Variants in RRN3 observed in about 807,000 individuals in gnomAD.
The protein encoded by RRN3 is RNA polymerase I-specific transcription initiation factor RRN3.
RRN3 carries 38 observed loss-of-function variants against 82.3 expected under a neutral mutation model. That is an observed-to-expected ratio of 0.46 (90% CI 0.36 to 0.61). RRN3 has a LOEUF of 0.61. Among genes scored for constraint, RRN3 ranks in the 20% least tolerant of loss-of-function variants. The pLI is 0.00. For missense variants in RRN3, 726 were observed against 793.1 expected (o/e 0.92, Z 1.02); for synonymous variants, 284 against 284.3 (o/e 1.00, Z 0.01).
Position 15,086,425 on chromosome 16 carries a change from T to C in RRN3, c.282A>G (p.Glu94=). 1 of 1,613,584 alleles carries C rather than the reference T, an allele frequency of 6.2e-7. No homozygotes were observed. Residue 94 remains glutamate, a synonymous_variant, in exon 4 of 18, where the codon GAA becomes GAG. Transcript: ENST00000198767. ...TCAAGTACATGATAGAAGAACGGAA[T>C]TCTAGCAGCCAGTTGATGATCTGGT... The part of the protein sequence containing the change: ...KDDQIINWLL[E]FRSSIMYLTK...
intron 11 of RRN3, among the ~76,000 whole-genome samples, chr16:15,073,581 C>A (rs78045420): frequency 1.3e-5 from 2 of 152,316 alleles, no homozygotes; most frequent in East Asian, 3.9e-4. Context: ...AGGCCCTCAC[C>A]TCACACACTG....
chr16:15,093,006 C>G (rs1368197588), intron 1 of RRN3, among the ~76,000 whole-genome samples: 7 of 151,974 alleles, frequency 4.6e-5, no homozygotes, highest in African/African-American at 1.4e-4. Flanking sequence ...CTCTACGTGG[C>G]TGGATTTTTT....
intron 15 of RRN3, among the ~76,000 whole-genome samples, chr16:15,066,593 A>G (rs926431476): frequency 6.6e-6 from 1 of 151,694 alleles, no homozygotes; most frequent in Non-Finnish European, 1.5e-5. Flanking sequence ...AGATCACGCC[A>G]CTGTACTCCA....
rs111380968 is a variant in RRN3, at chr16:15,061,625, G to A, written c.*119C>T. On this transcript the variant is annotated 3_prime_UTR_variant, in exon 18 of 18. Transcript: ENST00000198767. ...AGTCGAACCTGGAAGTGCCACAGCC[G>A]AGGCAGGCACTCGCTCTAGTTCAAT... 17 of 896,320 alleles carry A rather than the reference G, an allele frequency of 1.9e-5. No individual in the cohort carries two copies. The highest frequency in any genetic ancestry group is 2.6e-5 in the Admixed American group (1 of 38,402). The allele number at this position is 896,320 out of a possible 1,614,324, so 55.5% of individuals were successfully genotyped here. A position where few individuals can be genotyped will look rare whatever the true frequency, so the allele number is the denominator to read the frequency against.
chr16:15,092,651 A>G (rs1312721605), intron 1 of RRN3, 37 bp from the exon 2 acceptor site: 2 of 1,237,362 alleles, frequency 1.6e-6, no homozygotes, highest in Non-Finnish European at 2.4e-6. Context: ...TAAGTTCATG[A>G]AAATAATAAA....
intron 3 of RRN3, among the ~76,000 whole-genome samples, chr16:15,089,548 C>G (rs1356724220): frequency 6.6e-6 from 1 of 152,146 alleles, no homozygotes; most frequent in East Asian, 1.9e-4. Flanking sequence ...CGCCTCTAAT[C>G]CCAGCACTTT....
chr16:15,082,341 A>G (rs1239761387), intron 8 of RRN3, among the ~76,000 whole-genome samples: 1 of 151,596 alleles, frequency 6.6e-6, no homozygotes, highest in Non-Finnish European at 1.5e-5. Context: ...CCTTTGTTCT[A>G]TTGCTACAAA....
intron 8 of RRN3, 111 bp downstream of exon 8, chr16:15,083,402 A>T: frequency 1.3e-6 from 2 of 1,487,084 alleles, no homozygotes; most frequent in Non-Finnish European, 1.8e-6. Context: ...CGGTCTCAAA[A>T]AAGAAAAAGA....
intron 11 of RRN3, 46 bp downstream of exon 11, chr16:15,074,677 C>A: frequency 6.7e-7 from 1 of 1,496,526 alleles, no homozygotes; most frequent in Admixed American, 1.9e-5. Context: ...AGCACAAAGC[C>A]AGGTACACTG....
At chr16:15,077,232 G>A (rs1196805861) in intron 9 of RRN3, among the ~76,000 whole-genome samples, 14 of 151,994 alleles carry the variant, frequency 9.2e-5, no homozygotes, top group Admixed American at 9.2e-4. Context: ...ACCGGCCTCA[G>A]CTTCCCAAAG....
rs144495321 is a variant in RRN3, at chr16:15,078,995, T to A, written c.765+1003A>T. Among the ~76,000 whole-genome samples the A allele has an allele frequency of 1.2e-3, 188 of 152,122 alleles. 1 individual carries two copies. The highest frequency in any genetic ancestry group is 4.4e-3 in the African/African-American group (182 of 41,500). Reference sequence around the variant, plus strand: ...CCCGGCCAATTTTTTGTATTTTTAGTGAGACAGAGTTTCACCATGTTAGCC... The same window carrying A: ...CCCGGCCAATTTTTTGTATTTTTAGAGAGACAGAGTTTCACCATGTTAGCC... On this transcript the variant is annotated intron_variant, in intron 9 of 17. Transcript: ENST00000198767.
chr16:15,081,518 T>C (rs1464850586), intron 8 of RRN3, among the ~76,000 whole-genome samples: 5 of 152,204 alleles, frequency 3.3e-5, no homozygotes. Context: ...CTTTGCCCAC[T>C]TCAGTTGGGC....
At chr16:15,081,397 C>G (rs190600591) in intron 8 of RRN3, among the ~76,000 whole-genome samples, 3 of 152,168 alleles carry the variant, frequency 2.0e-5, no homozygotes, top group African/African-American at 7.2e-5. Context: ...ACTGTCTTCT[C>G]GTTCTGATTA....
rs747185802 is a variant in RRN3, at chr16:15,092,560, T to G, written c.144A>C (p.Lys48Asn). Residue 48 changes from lysine to asparagine, a missense_variant, in exon 2 of 18, where the codon AAA becomes AAC. Lys to Asn is a moderately conservative substitution (Grantham distance 94, BLOSUM62 0). Transcript: ENST00000198767. ...TCACAGTTCCACCAAACCGAACAGT[T>G]TTTCTTGGGGGAGAATTGAAAAAGT... The part of the protein sequence containing the change: ...ENDFFNSPPR[K>N]TVRFGGTVTE... The G allele has an allele frequency of 6.2e-7, 1 of 1,613,594 alleles. No individual in the cohort carries two copies. Among genetic ancestry groups the G allele is most frequent in the East Asian group, 2.2e-5 (1 of 44,882 alleles).
At chr16:15,077,123 T>G (rs2966185) in intron 9 of RRN3, among the ~76,000 whole-genome samples, 98,690 of 150,722 alleles carry the variant, frequency 0.65, 34,004 homozygotes, top group Non-Finnish European at 0.76. Context: ...GGGATTACAG[T>G]CATGTGCCAC....
rs772292153 is a variant in RRN3 at position 15,092,492 on chromosome 16, A to C, written c.195+17T>G. 1.3e-6 allele frequency: 2 copies of C among 1,557,790 alleles called. No individual in the cohort carries two copies. The highest frequency in any genetic ancestry group is 1.4e-5 in the African/African-American group (1 of 73,706). On this transcript the variant is annotated intron_variant, in intron 2 of 17. Coordinates refer to ENST00000198767, the MANE Select transcript of RRN3 (RefSeq NM_018427.5). The stretch of plus-strand genomic sequence containing the variant: ...TGACCTAACCAAAAGCAAACCTCAC[A>C]CATTATCTCCCCTTACCTTTTTGTA...
intron 9 of RRN3, among the ~76,000 whole-genome samples, chr16:15,078,976 C>T (rs1281696132): frequency 6.6e-6 from 1 of 151,928 alleles, no homozygotes; most frequent in Non-Finnish European, 1.5e-5. Flanking sequence ...CATACCCGGC[C>T]AATTTTTTGT....
intron 9 of RRN3, among the ~76,000 whole-genome samples, chr16:15,077,661 G>A (rs1269378289): frequency 2.0e-5 from 3 of 152,158 alleles, no homozygotes; most frequent in Non-Finnish European, 4.4e-5. Flanking sequence ...CTAACACGGT[G>A]AAACCCCATC....
Position 15,093,204 on chromosome 16 carries a change from A to T in RRN3, c.90-590T>A, listed in dbSNP as rs138342560. Reference sequence around the variant, plus strand: ...ATTTTCAGTAGAGACGAGGTTTCGCACGTTGGCCAGGCTGGTCTCCAACTC... The same window carrying T: ...ATTTTCAGTAGAGACGAGGTTTCGCTCGTTGGCCAGGCTGGTCTCCAACTC... On this transcript the variant is annotated intron_variant, in intron 1 of 17. Coordinates refer to ENST00000198767, the MANE Select transcript of RRN3 (RefSeq NM_018427.5). Among the ~76,000 whole-genome samples, 69 of 152,228 alleles carry T rather than the reference A, an allele frequency of 4.5e-4. No homozygotes were observed. In the East Asian group the frequency reaches 0.013, roughly 29 times the overall value.
Sources: gnomAD v4.1 joint callset for allele counts (sites outside exome capture counted in the v4.1 genomes callset) on GRCh38, gnomAD v4.1.1 for gene constraint, MANE v1.5 for transcripts, NCBI Gene and HGNC (gene_info 2026-07-23, HGNC 2026-07-21) for gene names.